The following CHST8 variants were observed in gnomAD, a reference collection of about 807,000 sequenced individuals.
CHST8 encodes the protein carbohydrate sulfotransferase 8, also known as GALNAC-4-ST1.
CHST8 carries 10 observed loss-of-function variants against 15.0 expected under a neutral mutation model. That is an observed-to-expected ratio of 0.67 (90% CI 0.41 to 1.13). The LOEUF is 1.13. Ranked by LOEUF, CHST8 falls within the 50% of genes most tolerant of loss-of-function variation. CHST8 has a pLI of 0.00. For synonymous variants in CHST8, 259 were observed against 256.6 expected (o/e 1.01, Z -0.09); for missense variants, 634 against 608.2 (o/e 1.04, Z -0.45).
In CHST8 at chr19:33,623,436, G is replaced by T. The variant is rs530243222; in HGVS notation, c.-164+1140G>T. Among the ~76,000 whole-genome samples, 52 of 152,330 alleles carry T rather than the reference G, an allele frequency of 3.4e-4. 2 individuals are homozygous for T. In the South Asian group the frequency reaches 0.011, roughly 32 times the overall value. Reference sequence around the variant, plus strand: ...GCGATCTGGCGCAGCAGCAGAGCACGTGGGAGAGGCGTTGGGTGCAGGGAG... The same window carrying T: ...GCGATCTGGCGCAGCAGCAGAGCACTTGGGAGAGGCGTTGGGTGCAGGGAG... On this transcript the variant is annotated intron_variant, in intron 1 of 4. Coordinates refer to ENST00000650847, the MANE Select transcript of CHST8 (RefSeq NM_001127895.2).
At chr19:33,667,384 G>A (rs1364672452) in intron 1 of CHST8, among the ~76,000 whole-genome samples, 1 of 152,144 alleles carries the variant, frequency 6.6e-6, no homozygotes, top group African/African-American at 2.4e-5. Context: ...GCTGGCGCTG[G>A]CTCTGTTTGG....
intron 3 of CHST8, among the ~76,000 whole-genome samples, chr19:33,747,548 G>A (rs1308102127): frequency 1.3e-5 from 2 of 151,628 alleles, no homozygotes; most frequent in Non-Finnish European, 2.9e-5. Flanking sequence ...ATAGACATAT[G>A]CCACACACAC....
intron 2 of CHST8, 135 bp downstream of exon 2, chr19:33,667,978 C>G (rs1972684114): frequency 1.3e-5 from 2 of 152,010 alleles, no homozygotes; most frequent in South Asian, 2.1e-4. Context: ...GCCCTTGTGT[C>G]GGGGGAAAAA....
chr19:33,724,151 C>A (rs1347581757), intron 3 of CHST8, among the ~76,000 whole-genome samples: 5 of 152,208 alleles, frequency 3.3e-5, no homozygotes, highest in Non-Finnish European at 4.4e-5. Flanking sequence ...CATGCAGCCA[C>A]AGGCAGCTGC....
intron 3 of CHST8, among the ~76,000 whole-genome samples, chr19:33,756,748 T>C (rs1974555134): frequency 6.6e-6 from 1 of 152,224 alleles, no homozygotes; most frequent in South Asian, 2.1e-4. Flanking sequence ...GAATTTGTTT[T>C]CCCACTTCCT....
At chr19:33,726,362 A>T (rs190556485) in intron 3 of CHST8, among the ~76,000 whole-genome samples, 415 of 152,190 alleles carry the variant, frequency 2.7e-3, no homozygotes, top group Middle Eastern at 0.02. Context: ...GGAGTTCGAG[A>T]CCAGCCTGGG....
intron 1 of CHST8, among the ~76,000 whole-genome samples, chr19:33,659,817 A>T (rs901276467): frequency 6.6e-6 from 1 of 152,162 alleles, no homozygotes; most frequent in African/African-American, 2.4e-5. Flanking sequence ...TTTAAAAAAA[A>T]AATAAAAATA....
chr19:33,647,889 G>T (rs1972374284), intron 1 of CHST8, among the ~76,000 whole-genome samples: 1 of 151,488 alleles, frequency 6.6e-6, no homozygotes, highest in South Asian at 2.1e-4. Context: ...GAAATGAGAA[G>T]ATAGCTGCTG....
chr19:33,769,478 G>A (rs1974922382), intron 3 of CHST8, among the ~76,000 whole-genome samples: 1 of 152,206 alleles, frequency 6.6e-6, no homozygotes, highest in Non-Finnish European at 1.5e-5. Context: ...TGGCAGAGTA[G>A]AGGAAAACCA....
chr19:33,688,015 C>T (rs1973016324), intron 2 of CHST8, among the ~76,000 whole-genome samples: 2 of 152,292 alleles, frequency 1.3e-5, no homozygotes, highest in African/African-American at 4.8e-5. Flanking sequence ...GGGATGTTCC[C>T]TCCAGCGCTC....
At chr19:33,724,735 C>T (rs1362800180) in intron 3 of CHST8, among the ~76,000 whole-genome samples, 1 of 152,224 alleles carries the variant, frequency 6.6e-6, no homozygotes, top group Non-Finnish European at 1.5e-5. Flanking sequence ...ATGTGGCAGG[C>T]ATGGAGACCT....
intron 1 of CHST8, among the ~76,000 whole-genome samples, chr19:33,631,884 T>G (rs1329368002): frequency 6.6e-6 from 1 of 152,144 alleles, no homozygotes; most frequent in Non-Finnish European, 1.5e-5. Flanking sequence ...AGGGACCCAG[T>G]TTCCTCATCC....
chr19:33,720,116 C>G (rs184809562), intron 3 of CHST8, among the ~76,000 whole-genome samples: 125 of 152,244 alleles, frequency 8.2e-4, no homozygotes, highest in African/African-American at 3.0e-3. Context: ...GAAACTCCCA[C>G]GGAAGAAGGG....
chr19:33,752,570 G>T (rs1345317557), intron 3 of CHST8, among the ~76,000 whole-genome samples: 1 of 152,160 alleles, frequency 6.6e-6, no homozygotes, highest in Non-Finnish European at 1.5e-5. Context: ...GTTTTAGGCA[G>T]TTCCCCGGGG....
chr19:33,671,937 C>A (rs911216771), intron 2 of CHST8, among the ~76,000 whole-genome samples: 3 of 151,844 alleles, frequency 2.0e-5, no homozygotes, highest in African/African-American at 7.3e-5. Context: ...GCAAAGGGAA[C>A]CCCAAGTATT....
At chr19:33,646,441 A>G (rs1394943922) in intron 1 of CHST8, among the ~76,000 whole-genome samples, 1 of 152,226 alleles carries the variant, frequency 6.6e-6, no homozygotes, top group Non-Finnish European at 1.5e-5. Context: ...AAGGTCTGAA[A>G]GATACCTCAA....
At chr19:33,631,764 G>A (rs978237586) in intron 1 of CHST8, among the ~76,000 whole-genome samples, 4 of 151,822 alleles carry the variant, frequency 2.6e-5, no homozygotes, top group African/African-American at 4.9e-5. Flanking sequence ...ACCACTCCCC[G>A]CCCTCCCTCC....
intron 3 of CHST8, among the ~76,000 whole-genome samples, chr19:33,758,694 G>A (rs1974655631): frequency 6.6e-6 from 1 of 152,196 alleles, no homozygotes; most frequent in Admixed American, 6.5e-5. Context: ...TCCATTCCAG[G>A]GTGAAGAAGG....
In CHST8 at chr19:33,720,718, G is replaced by C. The variant is rs550164179; in HGVS notation, c.130+31327G>C. Among the ~76,000 whole-genome samples, 8 of 152,384 alleles carry C rather than the reference G, an allele frequency of 5.2e-5. No individual in the cohort carries two copies. The South Asian group carries it at 1.4e-3, about 28-fold the overall frequency. ...AGACCATGGGGACACAGGAGGCAGGGAGCTGGGCAGGCAGTGGTATGCAGT... is the reference window on the plus strand; with the variant it reads ...AGACCATGGGGACACAGGAGGCAGGCAGCTGGGCAGGCAGTGGTATGCAGT... On this transcript the variant is annotated intron_variant, in intron 3 of 4. Coordinates refer to ENST00000650847, the MANE Select transcript of CHST8 (RefSeq NM_001127895.2).
Sources: gnomAD v4.1 joint callset for allele counts (sites outside exome capture counted in the v4.1 genomes callset) on GRCh38, gnomAD v4.1.1 for gene constraint, MANE v1.5 for transcripts, NCBI Gene and HGNC (gene_info 2026-07-23, HGNC 2026-07-21) for gene names.